The following NTM variants were observed in gnomAD, a reference collection of about 807,000 sequenced individuals.
NTM encodes IgLON family member 2.
NTM carries 13 observed loss-of-function variants against 42.1 expected under a neutral mutation model. The ratio of observed to expected loss-of-function variants is 0.31; its 90% CI spans 0.20 to 0.49. NTM has a LOEUF of 0.49. Among genes scored for constraint, NTM ranks in the 20% least tolerant of loss-of-function variants. The pLI is 0.99. For synonymous variants in NTM, 187 were observed against 179.2 expected (o/e 1.04, Z -0.35); for missense variants, 373 against 452.8 (o/e 0.82, Z 1.60).
intron 2 of NTM, among the ~76,000 whole-genome samples, chr11:131,932,952 C>T (rs1216454042): frequency 6.6e-6 from 1 of 152,154 alleles, no homozygotes; most frequent in Non-Finnish European, 1.5e-5. Context: ...AAGTAACAAG[C>T]AAATAATGGG....
chr11:131,795,960 A>C, intron 1 of NTM: 1 of 983,428 alleles, frequency 1.0e-6, no homozygotes, highest in South Asian at 4.7e-5. Flanking sequence ...AGGATATTCC[A>C]GATGGGAGGA....
chr11:131,930,583 A>T (rs929816526), intron 2 of NTM, among the ~76,000 whole-genome samples: 1 of 152,170 alleles, frequency 6.6e-6, no homozygotes, highest in Non-Finnish European at 1.5e-5. Context: ...TTCTCTTGGC[A>T]CAATCTAAGA....
chr11:131,956,447 A>T (rs1433076493), intron 2 of NTM, among the ~76,000 whole-genome samples: 1 of 152,174 alleles, frequency 6.6e-6, no homozygotes, highest in Non-Finnish European at 1.5e-5. Context: ...AGGCTTTCCC[A>T]GGCAAGTTAG....
chr11:131,812,064 C>G (rs1013457856), intron 1 of NTM, among the ~76,000 whole-genome samples: 1 of 152,114 alleles, frequency 6.6e-6, no homozygotes, highest in Admixed American at 6.5e-5. Flanking sequence ...CCACCCAGTG[C>G]GTGTAGAGTA....
intron 2 of NTM, among the ~76,000 whole-genome samples, chr11:132,053,994 T>G (rs893103101): frequency 2.6e-5 from 4 of 152,178 alleles, no homozygotes; most frequent in African/African-American, 9.6e-5. Context: ...GGTGGGCGGA[T>G]CTCTTGAGCC....
At chr11:131,950,731 C>T (rs551504078) in intron 2 of NTM, among the ~76,000 whole-genome samples, 1 of 152,288 alleles carries the variant, frequency 6.6e-6, no homozygotes, top group East Asian at 1.9e-4. Context: ...CATACATGCT[C>T]CGTAACTATA....
Position 131,598,766 on chromosome 11 carries a change from T to TTTC in NTM, c.82+227880_82+227881insCTT, listed in dbSNP as rs1555161451. Among the ~76,000 whole-genome samples the TTTC allele has an allele frequency of 5.6e-3, 190 of 33,992 alleles. 23 individuals are homozygous for TTTC. Among genetic ancestry groups the TTTC allele is most frequent in the African/African-American group, 0.015 (185 of 12,074 alleles). 22.3% of individuals were successfully genotyped at this position (33,992 alleles called of 152,430 possible). ...TTCTTTCTTTCTTTCTTCTTTCTTT[T>TTTC]TTTCTTTCTTTCTTTCTTCTTTCTT... is the stretch of plus-strand genomic sequence containing the variant. On this transcript the variant is annotated intron_variant, in intron 1 of 8. Transcript: ENST00000683400.
At chr11:131,691,460 G>A (rs1304120448) in intron 1 of NTM, among the ~76,000 whole-genome samples, 1 of 152,250 alleles carries the variant, frequency 6.6e-6, no homozygotes. Context: ...GAGCCGCGGG[G>A]CGTGGGCAGG....
intron 1 of NTM, among the ~76,000 whole-genome samples, chr11:131,544,829 G>A (rs902291984): frequency 3.9e-5 from 6 of 152,230 alleles, no homozygotes; most frequent in Non-Finnish European, 7.3e-5. Context: ...AGCCCTCCAG[G>A]CGAATCTCTG....
rs2046878472 is a variant in NTM, at chr11:131,863,837, TG to T, written c.83-47726del. ...TGGCTGGGGAGGACCAGCCAGCGCT[TG>T]TAGGCCTGGCAAAATTGAGGATGCA... On this transcript the variant is annotated intron_variant, in intron 1 of 8. Coordinates refer to ENST00000683400, the MANE Select transcript of NTM (RefSeq NM_001352005.2). 2.6e-5 allele frequency among the ~76,000 whole-genome samples: 4 copies of T among 152,306 alleles called. No homozygotes were observed. In the South Asian group the frequency reaches 8.3e-4, roughly 32 times the overall value.
At chr11:131,524,067 T>A (rs1037872712) in intron 1 of NTM, among the ~76,000 whole-genome samples, 1 of 152,048 alleles carries the variant, frequency 6.6e-6, no homozygotes, top group African/African-American at 2.4e-5. Flanking sequence ...CCATCCTGAT[T>A]TGTGGATGGG....
chr11:131,766,577 C>T (rs959915792), intron 1 of NTM, among the ~76,000 whole-genome samples: 2 of 79,270 alleles, frequency 2.5e-5, no homozygotes, highest in Non-Finnish European at 6.0e-5. Flanking sequence ...CACAGCAGGC[C>T]CCCCCCTTCT....
chr11:131,705,497 G>T (rs2076504989), intron 1 of NTM, among the ~76,000 whole-genome samples: 1 of 152,120 alleles, frequency 6.6e-6, no homozygotes, highest in Admixed American at 6.6e-5. Flanking sequence ...AAGTTGAAAT[G>T]AAAGGAGACT....
At chr11:132,296,234 C>T (rs558675189) in intron 4 of NTM, among the ~76,000 whole-genome samples, 20 of 152,178 alleles carry the variant, frequency 1.3e-4, no homozygotes, top group African/African-American at 2.9e-4. Flanking sequence ...TCCTCCAGGA[C>T]GGCCATGCAG....
chr11:131,687,300 C>A (rs891044525), intron 1 of NTM, among the ~76,000 whole-genome samples: 1 of 152,240 alleles, frequency 6.6e-6, no homozygotes, highest in Non-Finnish European at 1.5e-5. Flanking sequence ...CCCCTCCCAC[C>A]CCAGTTGCTT....
chr11:131,808,113 A>G (rs759211586), intron 1 of NTM, among the ~76,000 whole-genome samples: 5 of 152,226 alleles, frequency 3.3e-5, no homozygotes, highest in Admixed American at 2.0e-4. Flanking sequence ...CCAGAGCTCC[A>G]TGCTTTCTCT....
At chr11:131,572,881 G>A (rs2057580313) in intron 1 of NTM, among the ~76,000 whole-genome samples, 1 of 152,186 alleles carries the variant, frequency 6.6e-6, no homozygotes, top group South Asian at 2.1e-4. Flanking sequence ...GTGAGAACGG[G>A]TTCCTGGCAC....
At chr11:132,136,788 G>A (rs2068006383) in intron 2 of NTM, among the ~76,000 whole-genome samples, 1 of 152,152 alleles carries the variant, frequency 6.6e-6, no homozygotes, top group Non-Finnish European at 1.5e-5. Flanking sequence ...TGATAGGAGT[G>A]TGCTAGAGGC....
chr11:131,700,037 C>T (rs2075914048), intron 1 of NTM, among the ~76,000 whole-genome samples: 1 of 151,506 alleles, frequency 6.6e-6, no homozygotes, highest in Admixed American at 6.6e-5. Context: ...ACACATTTAG[C>T]TGGAAGCTAA....
Sources: gnomAD v4.1 joint callset for allele counts (sites outside exome capture counted in the v4.1 genomes callset) on GRCh38, gnomAD v4.1.1 for gene constraint, MANE v1.5 for transcripts, NCBI Gene and HGNC (gene_info 2026-07-23, HGNC 2026-07-21) for gene names.